The following SCUBE1 variants were observed in gnomAD, a reference collection of about 807,000 sequenced individuals.
SCUBE1 encodes signal peptide, CUB and EGF-like domain-containing protein 1.
Under a neutral mutation model 124.4 loss-of-function variants are expected in SCUBE1, and 59 were observed. The ratio of observed to expected loss-of-function variants is 0.47; its 90% CI spans 0.38 to 0.59. The LOEUF is 0.59. Among genes scored for constraint, SCUBE1 ranks in the 20% least tolerant of loss-of-function variants. SCUBE1 has a pLI of 0.00. For missense variants in SCUBE1, 1,150 were observed against 1,371.2 expected (o/e 0.84, Z 2.55); for synonymous variants, 545 against 550.9 (o/e 0.99, Z 0.15).
chr22:43,310,903 T>C (rs561847551), intron 3 of SCUBE1, among the ~76,000 whole-genome samples: 17 of 152,150 alleles, frequency 1.1e-4, no homozygotes, highest in African/African-American at 4.1e-4. Flanking sequence ...CTCAGCCTCC[T>C]TAGTAGCTGG....
At position 43,210,196 on chromosome 22, in the gene SCUBE1, C is replaced by G; in HGVS notation, c.2428G>C (p.Glu810Gln). The change falls in exon 19 of 22, where the codon GAG becomes CAG. Residue 810 changes from glutamate to glutamine, a missense_variant. By Grantham distance (29) the Glu-to-Gln change is conservative (BLOSUM62 2). This residue lies in a region of SCUBE1 where 757 missense variants were observed against 840.9 expected (regional missense o/e 0.90). Transcript: ENST00000360835. The surrounding 1 kb of genome is among the most constrained non-coding windows in gnomAD (Gnocchi z 4.5). Reference sequence around the variant, plus strand: ...TAGTCGCCAGGGTAGTTGGGGGACTCGATGTAGCCGGTGTAGTCACCAAGC... The same window carrying G: ...TAGTCGCCAGGGTAGTTGGGGGACTGGATGTAGCCGGTGTAGTCACCAAGC... ...GELGDYTGYI[E>Q]SPNYPGDYPA... is the part of the protein sequence containing the mutation. 2 of 1,593,814 alleles carry G rather than the reference C, an allele frequency of 1.3e-6. No homozygotes were observed. The highest frequency in any genetic ancestry group is 1.7e-6 in the Non-Finnish European group (2 of 1,170,558).
intron 6 of SCUBE1, among the ~76,000 whole-genome samples, chr22:43,244,596 G>A (rs115987449): frequency 0.011 from 1,641 of 152,362 alleles, 32 homozygotes; most frequent in African/African-American, 0.037. Flanking sequence ...GTGGTGCTGC[G>A]CTGTGCAGGG....
chr22:43,227,416 G>T lies in SCUBE1; in HGVS notation c.1165C>A (p.Pro389Thr), dbSNP rs780965990. The change falls in exon 10 of 22, where the codon CCC becomes ACC. Residue 389 changes from proline (P) to threonine (T), a missense_variant. Coordinates refer to ENST00000360835, the MANE Select transcript of SCUBE1 (RefSeq NM_173050.5). Reference sequence around the variant, plus strand: ...TTCCAGTGGAGCCGCCTCCCCGGGGGACAGACGCACTCGTAGCTGCCCTTG... The same window carrying T: ...TTCCAGTGGAGCCGCCTCCCCGGGGTACAGACGCACTCGTAGCTGCCCTTG... Reference protein sequence around the residue: ...NTKGSYECVCPPGRRLHWNGK... With the variant: ...NTKGSYECVCTPGRRLHWNGK... 4 of 1,612,826 alleles carry T rather than the reference G, an allele frequency of 2.5e-6. No homozygotes were observed. Among genetic ancestry groups the T allele is most frequent in the Admixed American group, 3.3e-5 (2 of 59,972 alleles).
intron 2 of SCUBE1, among the ~76,000 whole-genome samples, chr22:43,326,451 A>G (rs1318277978): frequency 6.6e-6 from 1 of 152,084 alleles, no homozygotes; most frequent in Non-Finnish European, 1.5e-5. Context: ...GCTGCCTAGC[A>G]GGAAGGATTA....
At chr22:43,238,411 C>T in intron 7 of SCUBE1, 1 of 448,274 alleles carries the variant, frequency 2.2e-6, no homozygotes, top group Non-Finnish European at 4.0e-6. Flanking sequence ...ACCAGACTGT[C>T]CCCATCAGCT....
chr22:43,216,329 G>A (rs1026484755), intron 15 of SCUBE1, among the ~76,000 whole-genome samples: 4 of 151,332 alleles, frequency 2.6e-5, no homozygotes, highest in African/African-American at 9.7e-5. Flanking sequence ...TTACAGGCGT[G>A]AGCTACCATG....
At chr22:43,328,403 G>C (rs1360167013) in intron 2 of SCUBE1, among the ~76,000 whole-genome samples, 1 of 152,126 alleles carries the variant, frequency 6.6e-6, no homozygotes, top group Non-Finnish European at 1.5e-5. Context: ...TCCCCTTAGG[G>C]AAAGGCCAAG....
intron 2 of SCUBE1, among the ~76,000 whole-genome samples, chr22:43,321,788 G>A (rs1926563928): frequency 6.6e-6 from 1 of 152,160 alleles, no homozygotes; most frequent in African/African-American, 2.4e-5. Flanking sequence ...ATGTTGCCAA[G>A]GCTGGACTCA....
Position 43,262,786 on chromosome 22 carries a change from T to C in SCUBE1, c.544A>G (p.Lys182Glu). Reference protein sequence around the residue: ...GCAHICRETPKGGVACDCRPG... With the variant: ...GCAHICRETPEGGVACDCRPG... ...CTGCAGTCGCAGGCCACCCCACCTTTGGGCGTCTCCCGGCAGATGTGGGCA... is the reference window on the plus strand; with the variant it reads ...CTGCAGTCGCAGGCCACCCCACCTTCGGGCGTCTCCCGGCAGATGTGGGCA... The change falls in exon 5 of 22, where the codon AAA becomes GAA. Residue 182 changes from lysine (K) to glutamate (E), a missense_variant. Around this residue, in one of 3 missense-constraint regions of SCUBE1, gnomAD observed 337 missense variants for 482.1 expected, o/e 0.70. Transcript: ENST00000360835. 6.2e-7 allele frequency: 1 copy of C among 1,614,198 alleles called. No homozygotes were observed. The highest frequency in any genetic ancestry group is 8.5e-7 in the Non-Finnish European group (1 of 1,180,018).
In SCUBE1 at chr22:43,234,819, G is replaced by A. The variant is rs549501724; in HGVS notation, c.845-2944C>T. ...CTAGGATGTGGGCCCTCCCTCTGCAGAGGCTCCCAGAGCTTCCCTTCCAGC... is the reference window on the plus strand; with the variant it reads ...CTAGGATGTGGGCCCTCCCTCTGCAAAGGCTCCCAGAGCTTCCCTTCCAGC... On this transcript the variant is annotated intron_variant, in intron 7 of 21. Transcript: ENST00000360835. This position sits in a 1 kb window ranked among gnomAD's most constrained non-coding sequence, Gnocchi z 4.4. 3.3e-5 allele frequency among the ~76,000 whole-genome samples: 5 copies of A among 152,186 alleles called. No individual in the cohort carries two copies. The highest frequency in any genetic ancestry group is 7.4e-5 in the Non-Finnish European group (5 of 68,018).
intron 3 of SCUBE1, among the ~76,000 whole-genome samples, chr22:43,304,580 G>A (rs371185486): frequency 2.6e-5 from 4 of 152,228 alleles, no homozygotes; most frequent in Non-Finnish European, 5.9e-5. Context: ...TGAGAAGTGC[G>A]GTTGGTCGTG....
intron 19 of SCUBE1, among the ~76,000 whole-genome samples, chr22:43,209,702 G>A (rs117267143): frequency 0.021 from 3,186 of 152,342 alleles, 45 homozygotes; most frequent in Non-Finnish European, 0.031. Context: ...TGAGCGGTGC[G>A]GCAGAAAGTG....
chr22:43,221,413 G>A, intron 12 of SCUBE1, 124 bp from the exon 13 acceptor site: 2 of 664,506 alleles, frequency 3.0e-6, no homozygotes, highest in South Asian at 1.7e-5. Flanking sequence ...CTGAGTCCCT[G>A]TGCCCCGACA....
At chr22:43,289,621 A>G (rs2146750090) in intron 4 of SCUBE1, among the ~76,000 whole-genome samples, 1 of 152,358 alleles carries the variant, frequency 6.6e-6, no homozygotes, top group Non-Finnish European at 1.5e-5. Flanking sequence ...AATGAAACTC[A>G]TGCCTGGGCT....
chr22:43,238,531 A>T, intron 7 of SCUBE1: 1 of 590,868 alleles, frequency 1.7e-6, no homozygotes, highest in South Asian at 2.1e-5. Context: ...CACAGTAGAG[A>T]CGCTGGCTTA....
chr22:43,274,054 C>T (rs1924400911), intron 4 of SCUBE1, among the ~76,000 whole-genome samples: 1 of 151,894 alleles, frequency 6.6e-6, no homozygotes, highest in African/African-American at 2.4e-5. Flanking sequence ...CCCTTGATTC[C>T]TGAAATTTCC....
chr22:43,216,634 G>A (rs911691740), intron 15 of SCUBE1, among the ~76,000 whole-genome samples: 1 of 152,100 alleles, frequency 6.6e-6, no homozygotes, highest in East Asian at 2.0e-4. Context: ...CCTGGCTACA[G>A]AGCGAGACTC....
At chr22:43,257,995 A>C (rs898452092) in intron 6 of SCUBE1, among the ~76,000 whole-genome samples, 11 of 152,136 alleles carry the variant, frequency 7.2e-5, no homozygotes, top group Admixed American at 7.2e-4. Flanking sequence ...CAAAGCAGAA[A>C]AGCCTGGTCT....
At chr22:43,322,134 C>T in intron 2 of SCUBE1, among the ~76,000 whole-genome samples, 1 of 152,160 alleles carries the variant, frequency 6.6e-6, no homozygotes, top group Admixed American at 6.5e-5. Flanking sequence ...CAGGCACGTG[C>T]CACCATGCCC....
Sources: allele counts gnomAD v4.1 joint callset (sites outside exome capture counted in the v4.1 genomes callset), GRCh38; gene constraint gnomAD v4.1.1; regional missense constraint gnomAD v4.1.1; non-coding constraint Gnocchi (gnomAD v3.1); transcripts MANE v1.5; gene names NCBI Gene and HGNC (gene_info 2026-07-23, HGNC 2026-07-21).